The following CTNNBL1 variants were observed in gnomAD, a reference collection of about 807,000 sequenced individuals.
CTNNBL1 encodes the protein beta-catenin-like protein 1.
CTNNBL1 carries 31 observed loss-of-function variants against 72.7 expected under a neutral mutation model. The observed-to-expected ratio is 0.43, with a 90% CI of 0.32 to 0.58. The LOEUF is 0.58. Ranked by LOEUF, CTNNBL1 falls within the 20% of genes least tolerant of loss-of-function variation. The pLI, the probability that CTNNBL1 is intolerant of heterozygous loss-of-function variation, is 0.08. For synonymous variants in CTNNBL1, 240 were observed against 267.3 expected (o/e 0.90, Z 1.00); for missense variants, 534 against 725.1 (o/e 0.74, Z 3.03).
intron 13 of CTNNBL1, among the ~76,000 whole-genome samples, chr20:37,858,858 G>A (rs796593940): frequency 2.0e-5 from 3 of 152,098 alleles, no homozygotes; most frequent in South Asian, 2.1e-4. Context: ...AGTGTTGGAC[G>A]TGTGAAATGC....
At chr20:37,799,922 A>T (rs1166013237) in intron 10 of CTNNBL1, among the ~76,000 whole-genome samples, 2 of 152,184 alleles carry the variant, frequency 1.3e-5, no homozygotes, top group Non-Finnish European at 2.9e-5. Flanking sequence ...AACAGTCCTA[A>T]GTAAACCAGG....
chr20:37,839,345 G>T (rs2072281865), intron 11 of CTNNBL1, among the ~76,000 whole-genome samples: 2 of 152,074 alleles, frequency 1.3e-5, no homozygotes, highest in African/African-American at 4.8e-5. Flanking sequence ...AATAAACTTT[G>T]TTCTGCCATT....
chr20:37,852,901 A>G (rs1359077043), intron 13 of CTNNBL1, among the ~76,000 whole-genome samples: 1 of 152,110 alleles, frequency 6.6e-6, no homozygotes, highest in East Asian at 1.9e-4. Flanking sequence ...TCACCTAAGG[A>G]CACTAGTAAA....
intron 1 of CTNNBL1, among the ~76,000 whole-genome samples, chr20:37,715,570 G>T (rs1228434281): frequency 6.6e-6 from 1 of 152,158 alleles, no homozygotes; most frequent in Non-Finnish European, 1.5e-5. Context: ...TGCCTTTTGA[G>T]GCCCATTCTG....
intron 11 of CTNNBL1, among the ~76,000 whole-genome samples, chr20:37,829,035 G>C (rs888029564): frequency 6.6e-6 from 1 of 152,120 alleles, no homozygotes; most frequent in African/African-American, 2.4e-5. Flanking sequence ...AGTCAAGATC[G>C]ATCTAGTTAG....
At chr20:37,704,932 A>G (rs2072873028) in intron 1 of CTNNBL1, among the ~76,000 whole-genome samples, 1 of 152,212 alleles carries the variant, frequency 6.6e-6, no homozygotes, top group Non-Finnish European at 1.5e-5. Context: ...GAAGACAGCC[A>G]TGTCTTTCTG....
chr20:37,859,908 C>CG lies in CTNNBL1; in HGVS notation c.1404dup (p.Arg469AlafsTer8), dbSNP rs2072475808. On this transcript the variant is annotated frameshift_variant, in exon 14 of 16. Coordinates refer to ENST00000361383, the MANE Select transcript of CTNNBL1 (RefSeq NM_030877.5). LOFTEE classifies it high-confidence loss of function. The stretch of plus-strand genomic sequence containing the variant: ...GTTCATTTGTTTCTAGGACATGGTC[C>CG]GGCGAGGAGAGATCATCGACAATGA... The CG allele has an allele frequency of 2.5e-6, 4 of 1,613,492 alleles. No homozygotes were observed. The highest frequency in any genetic ancestry group is 3.4e-6 in the Non-Finnish European group (4 of 1,179,828).
intron 10 of CTNNBL1, among the ~76,000 whole-genome samples, chr20:37,795,409 C>A (rs1319279135): frequency 6.6e-6 from 1 of 152,120 alleles, no homozygotes; most frequent in Non-Finnish European, 1.5e-5. Context: ...CCCCATCCAC[C>A]TTTAAGGGAG....
intron 10 of CTNNBL1, among the ~76,000 whole-genome samples, chr20:37,795,223 C>G (rs1476898213): frequency 6.6e-6 from 1 of 151,714 alleles, no homozygotes; most frequent in African/African-American, 2.4e-5. Flanking sequence ...AAGCCTCTGC[C>G]TCCTCCTCTA....
chr20:37,702,197 C>G (rs1246468126), intron 1 of CTNNBL1, among the ~76,000 whole-genome samples: 1 of 152,152 alleles, frequency 6.6e-6, no homozygotes, highest in Non-Finnish European at 1.5e-5. Flanking sequence ...TTATTACAAT[C>G]TTGATAGTAC....
intron 5 of CTNNBL1, among the ~76,000 whole-genome samples, chr20:37,759,079 T>C (rs916860235): frequency 2.0e-5 from 3 of 152,244 alleles, no homozygotes; most frequent in Non-Finnish European, 4.4e-5. Context: ...AGCAGGGCCA[T>C]TTATGACCGA....
intron 11 of CTNNBL1, among the ~76,000 whole-genome samples, chr20:37,834,192 C>T (rs1284276500): frequency 6.7e-6 from 1 of 148,480 alleles, no homozygotes; most frequent in Non-Finnish European, 1.5e-5. Flanking sequence ...TTGAAAATTA[C>T]AGCTTCTGAT....
chr20:37,795,325 A>T lies in CTNNBL1; in HGVS notation c.1032-7542A>T, dbSNP rs376075413. On this transcript the variant is annotated intron_variant, in intron 10 of 15. Coordinates refer to ENST00000361383, the MANE Select transcript of CTNNBL1 (RefSeq NM_030877.5). Reference sequence around the variant, plus strand: ...CACTGTGCCCAGCTAATTTAAAAAAAATATTTTTAGTAGAAATACAGTTTT... The same window carrying T: ...CACTGTGCCCAGCTAATTTAAAAAATATATTTTTAGTAGAAATACAGTTTT... Among the ~76,000 whole-genome samples the T allele has an allele frequency of 1.0e-3, 156 of 152,134 alleles. 2 individuals are homozygous for T. Among genetic ancestry groups the T allele is most frequent in the African/African-American group, 2.4e-3 (101 of 41,490 alleles).
intron 10 of CTNNBL1, among the ~76,000 whole-genome samples, chr20:37,795,460 A>T (rs547614870): frequency 6.6e-6 from 1 of 152,372 alleles, no homozygotes; most frequent in South Asian, 2.1e-4. Context: ...ATTGTGTATT[A>T]TAAAATATGA....
At chr20:37,866,464 T>G (rs1315729887) in intron 15 of CTNNBL1, among the ~76,000 whole-genome samples, 1 of 152,218 alleles carries the variant, frequency 6.6e-6, no homozygotes, top group African/African-American at 2.4e-5. Flanking sequence ...CTCCTGCATC[T>G]GTAAGATGGG....
chr20:37,772,202 C>T (rs1350093727), intron 7 of CTNNBL1, among the ~76,000 whole-genome samples: 2 of 152,160 alleles, frequency 1.3e-5, no homozygotes, highest in African/African-American at 4.8e-5. Context: ...ATATCTGTAC[C>T]TCCTCCCAGC....
chr20:37,728,405 A>G lies in CTNNBL1; in HGVS notation c.31-4474A>G, dbSNP rs140207799. The stretch of plus-strand genomic sequence containing the variant: ...TTAAATTACATCTGTGGCCTGTACT[A>G]TATTTCAATTGAACACTGTTCTAGA... On this transcript the variant is annotated intron_variant, in intron 1 of 15. Coordinates refer to ENST00000361383, the MANE Select transcript of CTNNBL1 (RefSeq NM_030877.5). Among the ~76,000 whole-genome samples the G allele has an allele frequency of 2.6e-5, 4 of 152,352 alleles. No homozygotes were observed. The East Asian group carries it at 5.8e-4, about 22-fold the overall frequency.
At chr20:37,740,644 A>C (rs2073207985) in intron 3 of CTNNBL1, among the ~76,000 whole-genome samples, 1 of 152,208 alleles carries the variant, frequency 6.6e-6, no homozygotes, top group South Asian at 2.1e-4. Flanking sequence ...TGTACTCTTA[A>C]ATTATTGAAT....
At chr20:37,794,453 A>G (rs1219054205) in intron 10 of CTNNBL1, among the ~76,000 whole-genome samples, 2 of 152,070 alleles carry the variant, frequency 1.3e-5, no homozygotes, top group African/African-American at 4.8e-5. Context: ...AGTAGCTGGG[A>G]TTACAGGCAT....
Sources: gnomAD v4.1 joint callset for allele counts (sites outside exome capture counted in the v4.1 genomes callset) on GRCh38, gnomAD v4.1.1 for gene constraint, MANE v1.5 for transcripts, NCBI Gene and HGNC (gene_info 2026-07-23, HGNC 2026-07-21) for gene names.